CFH: variants seen among roughly 807,000 people sequenced by gnomAD.
The protein encoded by CFH is complement factor H.
In CFH, 53 loss-of-function variants were observed where a neutral mutation model predicts 147.3. The observed-to-expected ratio is 0.36, with a 90% confidence interval of 0.29 to 0.45. CFH has a LOEUF of 0.45. Ranked by LOEUF, CFH falls within the 20% of genes least tolerant of loss-of-function variation. The pLI, the probability that CFH is intolerant of heterozygous loss-of-function variation, is 1.00. For synonymous variants in CFH, 536 were observed against 489.4 expected (o/e 1.10, Z -1.26); for missense variants, 1,380 against 1,498.0 (o/e 0.92, Z 1.30).
intron 11 of CFH, among the ~76,000 whole-genome samples, chr1:196,720,935 A>T (rs74532934): frequency 0.014 from 2,163 of 151,964 alleles, 18 homozygotes; most frequent in Non-Finnish European, 0.022. Flanking sequence ...GCGTATAAGC[A>T]TTCTTCTTTC....
At chr1:196,743,149 T>G (rs1652869862) in intron 19 of CFH, among the ~76,000 whole-genome samples, 1 of 152,110 alleles carries the variant, frequency 6.6e-6, no homozygotes, top group Non-Finnish European at 1.5e-5. Context: ...TTACTCAAAC[T>G]CAAAGAGAGA....
rs1202251467 is a variant in CFH at position 196,737,679 on chromosome 1, C to T, written c.2782+19C>T. On this transcript the variant is annotated intron_variant, in intron 17 of 21. Transcript: ENST00000367429. ...TGTGAAGGTTAGGCCAATATGAATA[C>T]TCAATTTCTGTTTATAGTAGAATTC... is the stretch of plus-strand genomic sequence containing the variant. 1 of 1,603,022 alleles carries T rather than the reference C, an allele frequency of 6.2e-7. No homozygotes were observed. Among genetic ancestry groups the T allele is most frequent in the South Asian group, 1.1e-5 (1 of 90,726 alleles).
At chr1:196,697,715 T>C (rs1668320359) in intron 9 of CFH, among the ~76,000 whole-genome samples, 1 of 152,192 alleles carries the variant, frequency 6.6e-6, no homozygotes, top group East Asian at 1.9e-4. Flanking sequence ...CGTATGTTTA[T>C]TGCGGCACTA....
chr1:196,693,046 G>A (rs1341806931), intron 9 of CFH, among the ~76,000 whole-genome samples: 3 of 151,730 alleles, frequency 2.0e-5, no homozygotes, highest in African/African-American at 4.8e-5. Context: ...CTTTACGGTT[G>A]TCATATAATT....
chr1:196,666,050 G>A (rs906655822), intron 1 of CFH, among the ~76,000 whole-genome samples: 1 of 152,214 alleles, frequency 6.6e-6, no homozygotes, highest in Non-Finnish European at 1.5e-5. Context: ...GTATGCACAA[G>A]AACAGCTTGA....
At chr1:196,697,089 G>C (rs1668299084) in intron 9 of CFH, among the ~76,000 whole-genome samples, 1 of 152,148 alleles carries the variant, frequency 6.6e-6, no homozygotes, top group South Asian at 2.1e-4. Context: ...CAGGACATAG[G>C]CATGGGCAAG....
intron 4 of CFH, among the ~76,000 whole-genome samples, chr1:196,676,447 G>T (rs1369793064): frequency 6.6e-6 from 1 of 152,048 alleles, no homozygotes; most frequent in African/African-American, 2.4e-5. Flanking sequence ...TATGGTAACA[G>T]CTGAAGTGGA....
intron 15 of CFH, among the ~76,000 whole-genome samples, chr1:196,733,845 C>A (rs1026419457): frequency 6.6e-6 from 1 of 152,022 alleles, no homozygotes; most frequent in Non-Finnish European, 1.5e-5. Flanking sequence ...ATCCAGACTG[C>A]AAGTTTTTTA....
At chr1:196,713,064 C>A (rs1258575259) in intron 9 of CFH, among the ~76,000 whole-genome samples, 3 of 151,934 alleles carry the variant, frequency 2.0e-5, no homozygotes, top group African/African-American at 7.3e-5. Flanking sequence ...GTGAATAATG[C>A]CGCAATAAAC....
intron 9 of CFH, among the ~76,000 whole-genome samples, chr1:196,695,447 T>G (rs896924382): frequency 4.6e-5 from 7 of 152,140 alleles, no homozygotes; most frequent in African/African-American, 1.7e-4. Context: ...GCGTGATGCA[T>G]CAGCTTTGTG....
intron 11 of CFH, among the ~76,000 whole-genome samples, chr1:196,720,108 A>T (rs1287901906): frequency 6.6e-6 from 1 of 151,796 alleles, no homozygotes; most frequent in East Asian, 1.9e-4. Flanking sequence ...ACATGATGAG[A>T]CCAGAAATCA....
At chr1:196,732,464 A>C (rs375683614) in intron 15 of CFH, among the ~76,000 whole-genome samples, 21 of 151,698 alleles carry the variant, frequency 1.4e-4, no homozygotes, top group East Asian at 5.8e-4. Context: ...ACCTATATCC[A>C]CTTCCCTCAG....
At position 196,747,439 on chromosome 1, in the gene CFH, T is replaced by C; in HGVS notation, c.*126T>C. ...AAAATTTTGGATTAATTTGTGAAAA[T>C]GTAATTATAAGCTGAGACCGGTGGC... is the stretch of plus-strand genomic sequence containing the variant. On this transcript the variant is annotated 3_prime_UTR_variant, in exon 22 of 22. Transcript: ENST00000367429. 8.6e-7 allele frequency: 1 copy of C among 1,160,614 alleles called. No homozygotes were observed. Among genetic ancestry groups the C allele is most frequent in the Non-Finnish European group, 1.3e-6 (1 of 795,096 alleles). 71.9% of individuals were successfully genotyped at this position (1,160,614 alleles called of 1,614,324 possible).
chr1:196,715,444 C>A (rs6664877), intron 10 of CFH, 149 bp from the exon 11 acceptor site: 1 of 634,808 alleles, frequency 1.6e-6, no homozygotes, highest in Non-Finnish European at 2.7e-6. Flanking sequence ...TTTACGACAA[C>A]AAATTCTCAC....
rs1392852896 is a variant in CFH, at chr1:196,740,544, T to C, written c.2783-75T>C. ...TGTATTGTTTATTTTCAAATAAAAC[T>C]ACTTAATATTAAAACAGGCATATAA... On this transcript the variant is annotated intron_variant, in intron 17 of 21. Coordinates refer to ENST00000367429, the MANE Select transcript of CFH (RefSeq NM_000186.4). 7 of 1,395,386 alleles carry C rather than the reference T, an allele frequency of 5.0e-6. No individual in the cohort carries two copies. In the African/African-American group the frequency reaches 1.0e-4, roughly 20 times the overall value. 86.4% of individuals were successfully genotyped at this position (1,395,386 alleles called of 1,614,324 possible).
In CFH at chr1:196,652,091, T is replaced by C. The variant is rs35120533; in HGVS notation, c.-27T>C. ...GGACGTTGTGAACAGAGTTAGCTGG[T>C]AAATGTCCTCTTAAAAGATCCAAAA... On this transcript the variant is annotated 5_prime_UTR_variant, in exon 1 of 22. Transcript: ENST00000367429. The C allele has an allele frequency of 6.5e-7, 1 of 1,533,366 alleles. No individual in the cohort carries two copies. Among genetic ancestry groups the C allele is most frequent in the Non-Finnish European group, 9.0e-7 (1 of 1,106,532 alleles). The allele number at this position is 1,533,366 out of a possible 1,614,324, so 95.0% of individuals were successfully genotyped here. A position where few individuals can be genotyped will look rare whatever the true frequency, so the allele number is the denominator to read the frequency against.
chr1:196,744,080 T>C (rs1337821070), intron 20 of CFH, among the ~76,000 whole-genome samples: 3 of 152,154 alleles, frequency 2.0e-5, no homozygotes, highest in African/African-American at 7.2e-5. Context: ...CACATAGTCC[T>C]GGGTCATTCT....
At chr1:196,701,522 G>T in intron 9 of CFH, 4 of 731,892 alleles carry the variant, frequency 5.5e-6, no homozygotes, top group Non-Finnish European at 6.6e-6. Context: ...GCAGCCCAAT[G>T]GGGCTGGTGG....
At chr1:196,738,313 C>A (rs1652659417) in intron 17 of CFH, among the ~76,000 whole-genome samples, 1 of 152,198 alleles carries the variant, frequency 6.6e-6, no homozygotes, top group Non-Finnish European at 1.5e-5. Flanking sequence ...AAAACACAAT[C>A]ATGCCTTCCC....
Sources: gnomAD v4.1 joint callset for allele counts (sites outside exome capture counted in the v4.1 genomes callset) on GRCh38, gnomAD v4.1.1 for gene constraint, MANE v1.5 for transcripts, NCBI Gene and HGNC (gene_info 2026-07-23, HGNC 2026-07-21) for gene names.